INTU: variants seen among roughly 807,000 people sequenced by gnomAD.
The protein encoded by INTU is inturned planar cell polarity protein.
A neutral mutation model predicts 100.5 loss-of-function variants in INTU; 68 were observed. The ratio of observed to expected loss-of-function variants is 0.68; its 90% CI spans 0.56 to 0.83. The LOEUF (loss-of-function observed/expected upper bound fraction) is 0.83, where lower values mean the gene tolerates loss of function less well. Ranked by LOEUF, INTU falls within the 40% of genes least tolerant of loss-of-function variation. The pLI is 0.00. For missense variants in INTU, 1,071 were observed against 1,114.7 expected, an observed-to-expected ratio of 0.96 and a Z score of 0.56; for synonymous variants, 357 against 395.7, an observed-to-expected ratio of 0.90 and a Z score of 1.16.
intron 8 of INTU, among the ~76,000 whole-genome samples, chr4:127,694,336 G>A (rs1730288149): frequency 6.6e-6 from 1 of 151,560 alleles, no homozygotes; most frequent in Admixed American, 6.6e-5. Context: ...ATCTCTTTTA[G>A]GTTTTCTAGT....
intron 10 of INTU, 27 bp from the exon 11 acceptor site, chr4:127,705,564 C>T: frequency 6.5e-7 from 1 of 1,538,988 alleles, no homozygotes; most frequent in Non-Finnish European, 9.0e-7. Flanking sequence ...CACTGGTAGA[C>T]TTTTGCTCTT....
intron 1 of INTU, among the ~76,000 whole-genome samples, chr4:127,634,336 C>T (rs1268604792): frequency 6.6e-6 from 1 of 152,144 alleles, no homozygotes; most frequent in Non-Finnish European, 1.5e-5. Context: ...AAGCCATAGA[C>T]AGTGTAAGAC....
At chr4:127,681,857 G>A (rs1315841344) in intron 6 of INTU, among the ~76,000 whole-genome samples, 1 of 151,996 alleles carries the variant, frequency 6.6e-6, no homozygotes, top group East Asian at 1.9e-4. Context: ...CTACTCATCT[G>A]ACAAAGGGCT....
At chr4:127,686,291 C>CA (rs1263613817) in intron 7 of INTU, 1 of 152,262 alleles carries the variant, frequency 6.6e-6, no homozygotes, top group East Asian at 1.9e-4. Flanking sequence ...AGTCTGTCTT[C>CA]AAAATCTCCA....
At chr4:127,637,684 C>G (rs1472350113) in intron 1 of INTU, among the ~76,000 whole-genome samples, 2 of 152,082 alleles carry the variant, frequency 1.3e-5, no homozygotes, top group Non-Finnish European at 2.9e-5. Flanking sequence ...ATTCTCTGTC[C>G]CATCTGACAT....
chr4:127,690,998 A>G (rs1730096515), intron 8 of INTU, among the ~76,000 whole-genome samples: 2 of 152,128 alleles, frequency 1.3e-5, no homozygotes, highest in Admixed American at 6.6e-5. Context: ...TGTTCTGCCT[A>G]TCCCTCTCTT....
intron 13 of INTU, among the ~76,000 whole-genome samples, chr4:127,709,848 A>G (rs1257207124): frequency 2.0e-5 from 3 of 152,208 alleles, no homozygotes; most frequent in Admixed American, 1.3e-4. Flanking sequence ...AAGTCAAGAC[A>G]AAAACAAAGT....
At chr4:127,656,134 G>C (rs1370447381) in intron 2 of INTU, among the ~76,000 whole-genome samples, 1 of 152,198 alleles carries the variant, frequency 6.6e-6, no homozygotes, top group Non-Finnish European at 1.5e-5. Context: ...GTACTCCCTA[G>C]TGAGATGAAC....
chr4:127,700,866 A>T (rs1290486065), intron 9 of INTU, among the ~76,000 whole-genome samples: 1 of 152,146 alleles, frequency 6.6e-6, no homozygotes, highest in East Asian at 1.9e-4. Flanking sequence ...GAAAAATCAG[A>T]CATTTATCCT....
chr4:127,651,303 T>G (rs990420160), intron 2 of INTU, among the ~76,000 whole-genome samples: 9 of 152,200 alleles, frequency 5.9e-5, no homozygotes, highest in Non-Finnish European at 1.2e-4. Context: ...CGTGCCTATG[T>G]CTTGAATGGT....
At chr4:127,654,654 C>T (rs898433186) in intron 2 of INTU, among the ~76,000 whole-genome samples, 2 of 150,052 alleles carry the variant, frequency 1.3e-5, no homozygotes, top group Non-Finnish European at 3.0e-5. Flanking sequence ...CTGCCCTTAA[C>T]ATTTTTTCCT....
rs869116277 is a variant in INTU at position 127,640,542 on chromosome 4, C to CATATAT, written c.147-2935_147-2930dup. 2.8e-3 allele frequency among the ~76,000 whole-genome samples: 149 copies of CATATAT among 53,588 alleles called. 8 individuals are homozygous for CATATAT. The highest frequency in any genetic ancestry group is 3.6e-3 in the African/African-American group (41 of 11,362). The allele number at this position is 53,588 out of a possible 152,430, so 35.2% of individuals were successfully genotyped here. On this transcript the variant is annotated intron_variant, in intron 1 of 15. Transcript: ENST00000335251. ...TGGTATAGTCTTTTGGGTAAAGATA[C>CATATAT]ATATATATATATATATATATATATA...
chr4:127,665,308 T>C (rs1339299335), intron 4 of INTU, among the ~76,000 whole-genome samples: 1 of 151,010 alleles, frequency 6.6e-6, no homozygotes, highest in African/African-American at 2.4e-5. Flanking sequence ...ATATTATGTA[T>C]TTCATACAGC....
At chr4:127,682,452 T>C (rs931552679) in intron 6 of INTU, among the ~76,000 whole-genome samples, 1 of 152,006 alleles carries the variant, frequency 6.6e-6, no homozygotes, top group Non-Finnish European at 1.5e-5. Context: ...ATGTCCTTTG[T>C]AGGAACATGG....
chr4:127,655,786 G>T (rs1439986865), intron 2 of INTU, among the ~76,000 whole-genome samples: 6 of 152,356 alleles, frequency 3.9e-5, no homozygotes, highest in Admixed American at 1.3e-4. Flanking sequence ...GTTTACCTAA[G>T]CAAGCCTGGG....
intron 2 of INTU, among the ~76,000 whole-genome samples, chr4:127,656,431 A>G (rs1425145112): frequency 6.6e-6 from 1 of 152,224 alleles, no homozygotes; most frequent in Non-Finnish European, 1.5e-5. Flanking sequence ...AATAATGGGC[A>G]GTATTATAGA....
intron 8 of INTU, among the ~76,000 whole-genome samples, chr4:127,693,383 TG>T (rs1258824523): frequency 6.6e-6 from 1 of 152,196 alleles, no homozygotes; most frequent in African/African-American, 2.4e-5. Flanking sequence ...TGGTAACTTT[TG>T]GTGTACAGCA....
At chr4:127,702,801 A>G (rs1427159401) in intron 9 of INTU, among the ~76,000 whole-genome samples, 1 of 152,102 alleles carries the variant, frequency 6.6e-6, no homozygotes, top group African/African-American at 2.4e-5. Context: ...ACCCCTCTCC[A>G]TACCCCCAAC....
intron 3 of INTU, among the ~76,000 whole-genome samples, chr4:127,660,933 G>A (rs984996422): frequency 3.3e-5 from 5 of 151,950 alleles, no homozygotes; most frequent in Admixed American, 2.6e-4. Flanking sequence ...TTTTAAAATA[G>A]CACTTAACTC....
Sources: gnomAD v4.1 joint callset for allele counts (sites outside exome capture counted in the v4.1 genomes callset) on GRCh38, gnomAD v4.1.1 for gene constraint, MANE v1.5 for transcripts, NCBI Gene and HGNC (gene_info 2026-07-23, HGNC 2026-07-21) for gene names.